RGS7: variants seen among roughly 807,000 people sequenced by gnomAD.
RGS7 encodes the protein regulator of G protein signaling 7.
In RGS7, 27 loss-of-function variants were observed where a neutral mutation model predicts 81.1. That is an observed-to-expected ratio of 0.33 (90% confidence interval 0.25 to 0.46). The LOEUF (loss-of-function observed/expected upper bound fraction) is 0.46, where lower values mean the gene tolerates loss of function less well. Among genes scored for constraint, RGS7 ranks in the 20% least tolerant of loss-of-function variants. RGS7 has a pLI of 1.00. For missense variants in RGS7, 396 were observed against 607.4 expected, an observed-to-expected ratio of 0.65 and a Z score of 3.66; for synonymous variants, 208 against 207.7, an observed-to-expected ratio of 1.00 and a Z score of -0.01.
At chr1:241,042,496 T>C (rs576452661) in intron 3 of RGS7, among the ~76,000 whole-genome samples, 6 of 150,912 alleles carry the variant, frequency 4.0e-5, no homozygotes, top group Non-Finnish European at 6.0e-5. Context: ...TTTATAACTT[T>C]AAATAGCATA....
At chr1:240,909,943 A>G (rs546571691) in intron 6 of RGS7, among the ~76,000 whole-genome samples, 1 of 152,096 alleles carries the variant, frequency 6.6e-6, no homozygotes, top group Non-Finnish European at 1.5e-5. Flanking sequence ...TAGTTCGGTC[A>G]CTTCCATAAG....
chr1:241,097,830 T>C (rs115766599), intron 3 of RGS7, among the ~76,000 whole-genome samples: 1,861 of 152,312 alleles, frequency 0.012, 50 homozygotes, highest in African/African-American at 0.042. Context: ...TTCCTCATTT[T>C]GGATAATGAT....
chr1:241,344,305 C>T (rs1182208328), intron 2 of RGS7, among the ~76,000 whole-genome samples: 1 of 152,134 alleles, frequency 6.6e-6, no homozygotes, highest in Non-Finnish European at 1.5e-5. Flanking sequence ...AATATCAAGC[C>T]ACTGAAGAGC....
intron 2 of RGS7, among the ~76,000 whole-genome samples, chr1:241,141,650 A>G (rs1361809082): frequency 6.6e-6 from 1 of 152,188 alleles, no homozygotes; most frequent in African/African-American, 2.4e-5. Context: ...CAAGAACAGC[A>G]TGGGGGTAAC....
At position 240,810,953 on chromosome 1, in the gene RGS7, C is replaced by T. The variant is rs371882199; in HGVS notation, c.1082+965G>A. 1.1e-4 allele frequency among the ~76,000 whole-genome samples: 17 copies of T among 152,284 alleles called. No homozygotes were observed. The East Asian group carries it at 2.5e-3, about 22-fold the overall frequency. On this transcript the variant is annotated intron_variant, in intron 14 of 18. Transcript: ENST00000440928. ...GCACACACAGAGAGTTACATTCCTC[C>T]GGGTTCTGTCTGTGGTCATTTTGCT...
At chr1:241,052,387 T>A (rs921090215) in intron 3 of RGS7, among the ~76,000 whole-genome samples, 11 of 151,972 alleles carry the variant, frequency 7.2e-5, no homozygotes, top group African/African-American at 2.7e-4. Flanking sequence ...ATAAGCCAGA[T>A]GAAGAGGGTA....
At chr1:241,346,150 T>TAAAA (rs11459171) in intron 2 of RGS7, among the ~76,000 whole-genome samples, 1 of 151,724 alleles carries the variant, frequency 6.6e-6, no homozygotes, top group Non-Finnish European at 1.5e-5. Context: ...TAAAATTTGA[T>TAAAA]AAAAAAAACT....
intron 2 of RGS7, among the ~76,000 whole-genome samples, chr1:241,180,386 A>T (rs1046850733): frequency 1.3e-5 from 2 of 152,128 alleles, no homozygotes; most frequent in African/African-American, 4.8e-5. Flanking sequence ...AAAAAAACCA[A>T]AAAAACAAAA....
At chr1:241,064,879 C>A (rs1330678991) in intron 3 of RGS7, among the ~76,000 whole-genome samples, 1 of 152,092 alleles carries the variant, frequency 6.6e-6, no homozygotes, top group Non-Finnish European at 1.5e-5. Flanking sequence ...AATAGAAACA[C>A]CTCCACATTC....
chr1:241,353,505 A>G (rs912591755), intron 2 of RGS7, among the ~76,000 whole-genome samples: 1 of 152,224 alleles, frequency 6.6e-6, no homozygotes, highest in Non-Finnish European at 1.5e-5. Context: ...ACAAAGAAAA[A>G]CAAAAAACAT....
chr1:241,093,425 G>A (rs534543987), intron 3 of RGS7, among the ~76,000 whole-genome samples: 25 of 152,040 alleles, frequency 1.6e-4, no homozygotes, highest in African/African-American at 5.8e-4. Context: ...CCCCAGCAAC[G>A]GTAAAATACT....
chr1:240,999,240 T>C (rs1687766580), intron 3 of RGS7, among the ~76,000 whole-genome samples: 1 of 151,654 alleles, frequency 6.6e-6, no homozygotes, highest in Admixed American at 6.6e-5. Context: ...AAGCATATTA[T>C]TATTATTATT....
At chr1:241,045,192 G>T (rs12094161) in intron 3 of RGS7, among the ~76,000 whole-genome samples, 11,279 of 152,146 alleles carry the variant, frequency 0.074, 650 homozygotes, top group African/African-American at 0.16. Flanking sequence ...GAAAACACTT[G>T]TCTAAAATTT....
intron 6 of RGS7, among the ~76,000 whole-genome samples, chr1:240,879,606 G>A (rs138714259): frequency 4.9e-4 from 75 of 151,982 alleles, no homozygotes; most frequent in Non-Finnish European, 4.7e-4. Flanking sequence ...TCATTCCTAC[G>A]TTTATAACTG....
intron 4 of RGS7, among the ~76,000 whole-genome samples, chr1:240,977,944 A>G (rs150959671): frequency 4.5e-4 from 68 of 152,358 alleles, no homozygotes; most frequent in Middle Eastern, 3.4e-3. Flanking sequence ...AATATAGGAC[A>G]GAAATGTGTT....
At chr1:241,209,895 A>T (rs1222734890) in intron 2 of RGS7, among the ~76,000 whole-genome samples, 2 of 152,036 alleles carry the variant, frequency 1.3e-5, no homozygotes, top group Non-Finnish European at 2.9e-5. Context: ...TAACTCATTT[A>T]ATCTTGACAG....
chr1:240,970,904 G>A (rs769071730), intron 4 of RGS7, among the ~76,000 whole-genome samples: 8 of 152,054 alleles, frequency 5.3e-5, no homozygotes, highest in Admixed American at 2.0e-4. Context: ...CCTTGAACCC[G>A]GGGGGCAGAG....
chr1:241,263,797 A>G (rs1437453892), intron 2 of RGS7, among the ~76,000 whole-genome samples: 1 of 152,168 alleles, frequency 6.6e-6, no homozygotes, highest in Admixed American at 6.5e-5. Flanking sequence ...TGAACCTTAC[A>G]TTTACCAAAT....
intron 2 of RGS7, among the ~76,000 whole-genome samples, chr1:241,331,771 T>C (rs7552452): frequency 0.03 from 4,603 of 152,268 alleles, 232 homozygotes; most frequent in African/African-American, 0.1. Context: ...AAATGAGCAA[T>C]ACAGCTTCTA....
Sources: allele counts gnomAD v4.1 joint callset (sites outside exome capture counted in the v4.1 genomes callset), GRCh38; gene constraint gnomAD v4.1.1; transcripts MANE v1.5; gene names NCBI Gene and HGNC (gene_info 2026-07-23, HGNC 2026-07-21).